ADGRA3: variants seen among roughly 807,000 people sequenced by gnomAD.
ADGRA3 encodes the protein G-protein coupled receptor 125.
In ADGRA3, 56 loss-of-function variants were observed where a neutral mutation model predicts 119.8. The observed-to-expected ratio is 0.47, with a 90% CI of 0.38 to 0.58. The LOEUF is 0.58. Among genes scored for constraint, ADGRA3 ranks in the 20% least tolerant of loss-of-function variants. The pLI is 0.00. For synonymous variants in ADGRA3, 607 were observed against 623.8 expected, an observed-to-expected ratio of 0.97 and a Z score of 0.40; for missense variants, 1,516 against 1,649.0, an observed-to-expected ratio of 0.92 and a Z score of 1.40.
At chr4:22,464,542 C>A (rs1020173207) in intron 2 of ADGRA3, among the ~76,000 whole-genome samples, 1 of 152,314 alleles carries the variant, frequency 6.6e-6, no homozygotes, top group East Asian at 1.9e-4. Context: ...AAGTTCCCTG[C>A]TGTGAATGCC....
chr4:22,392,698 G>A lies in ADGRA3; in HGVS notation c.2482-8C>T, dbSNP rs368097005. On this transcript the variant is annotated splice_region_variant and splice_polypyrimidine_tract_variant and intron_variant, in intron 16 of 18. Coordinates refer to ENST00000334304, the MANE Select transcript of ADGRA3 (RefSeq NM_145290.4). Reference sequence around the variant, plus strand: ...GTGAAGAATTATCCCAACCTACAAGGAAGATCAAAGAATAAATAAAAGAAA... The same window carrying A: ...GTGAAGAATTATCCCAACCTACAAGAAAGATCAAAGAATAAATAAAAGAAA... 2 of 1,596,262 alleles carry A rather than the reference G, an allele frequency of 1.3e-6. No homozygotes were observed. Among genetic ancestry groups the A allele is most frequent in the Admixed American group, 1.8e-5 (1 of 55,790 alleles).
At chr4:22,470,909 C>T (rs1000587720) in intron 2 of ADGRA3, among the ~76,000 whole-genome samples, 2 of 152,150 alleles carry the variant, frequency 1.3e-5, no homozygotes, top group African/African-American at 2.4e-5. Context: ...CACCTCAGGG[C>T]GGCCCCACCT....
chr4:22,486,644 C>T (rs1718440861), intron 1 of ADGRA3, among the ~76,000 whole-genome samples: 1 of 152,154 alleles, frequency 6.6e-6, no homozygotes, highest in Non-Finnish European at 1.5e-5. Flanking sequence ...TGGTTCAGTG[C>T]CCTGGCTGGC....
chr4:22,507,205 A>T (rs12504167), intron 1 of ADGRA3, among the ~76,000 whole-genome samples: 66,396 of 151,880 alleles, frequency 0.44, 15,876 homozygotes, highest in East Asian at 0.6. Context: ...GCGCCACTGC[A>T]CTCCAGCCTG....
In ADGRA3 at chr4:22,388,855, A is replaced by G; in HGVS notation, c.2816T>C (p.Phe939Ser). Residue 939 changes from phenylalanine (F) to serine (S), a missense_variant, in exon 19 of 19, where the codon TTT (phenylalanine) becomes TCT (serine). Phe to Ser is a radical substitution (Grantham distance 155, BLOSUM62 -2). Coordinates refer to ENST00000334304, the MANE Select transcript of ADGRA3 (RefSeq NM_145290.4). ...CTCAGGGTGTCTTTTCAACTGAATA[A>G]ATATGCTCAGAAAGTACATGCAGTT... Reference protein sequence around the residue: ...FVNCMYFLSIFIQLKRHPERK... With the variant: ...FVNCMYFLSISIQLKRHPERK... 6.2e-7 allele frequency: 1 copy of G among 1,614,066 alleles called. No individual in the cohort carries two copies. The highest frequency in any genetic ancestry group is 8.5e-7 in the Non-Finnish European group (1 of 1,179,988).
At position 22,498,726 on chromosome 4, in the gene ADGRA3, C is replaced by T. The variant is rs1718938832; in HGVS notation, c.257+16802G>A. On this transcript the variant is annotated intron_variant, in intron 1 of 18. Transcript: ENST00000334304. The stretch of plus-strand genomic sequence containing the variant: ...GTCAGGAGTTTGAGACCAGCCTGAC[C>T]AACATGGTGAAACCCCGTCTCTACT... 4.0e-5 allele frequency among the ~76,000 whole-genome samples: 6 copies of T among 151,868 alleles called. No individual in the cohort carries two copies. In the South Asian group the frequency reaches 1.2e-3, roughly 32 times the overall value.
Position 22,387,954 on chromosome 4 carries a change from G to C in ADGRA3, c.3717C>G (p.Ser1239Arg), listed in dbSNP as rs1210865737. The C allele has an allele frequency of 6.2e-7, 1 of 1,614,168 alleles. No homozygotes were observed. The change falls in exon 19 of 19, where the codon AGC becomes AGG. Residue 1239 changes from serine to arginine, a missense_variant. Transcript: ENST00000334304. ...TGGGAAGTGTGCTACAAGCATCGCTGCTGTCTTGCTGGGGTGGGTTGTACT... is the reference window on the plus strand; with the variant it reads ...TGGGAAGTGTGCTACAAGCATCGCTCCTGTCTTGCTGGGGTGGGTTGTACT... Reference protein sequence around the residue: ...ERQYNPPQQDSSDACSTLPKS... With the variant: ...ERQYNPPQQDRSDACSTLPKS...
At chr4:22,397,884 C>T (rs151197189) in intron 16 of ADGRA3, 2,277 of 167,028 alleles carry the variant, frequency 0.014, 53 homozygotes, top group African/African-American at 0.052. Flanking sequence ...TACCCAGTCT[C>T]GGGTATGTCT....
At chr4:22,447,340 T>G (rs191228586) in intron 5 of ADGRA3, 100 bp downstream of exon 5, 4 of 725,230 alleles carry the variant, frequency 5.5e-6, no homozygotes, top group Non-Finnish European at 9.3e-6. Context: ...CTTGACAAGA[T>G]TGTCCTCACA....
intron 15 of ADGRA3, 31 bp downstream of exon 15, chr4:22,402,644 C>T (rs1560298297): frequency 6.3e-7 from 1 of 1,599,302 alleles, no homozygotes; most frequent in Admixed American, 1.8e-5. Context: ...TCAAAGTCCG[C>T]AGATCTATTT....
intron 2 of ADGRA3, among the ~76,000 whole-genome samples, chr4:22,462,300 G>GTTT (rs1194647819): frequency 4.6e-5 from 7 of 151,862 alleles, no homozygotes; most frequent in African/African-American, 1.7e-4. Context: ...GGTTTTTGGG[G>GTTT]TTTTTTGTTG....
intron 14 of ADGRA3, among the ~76,000 whole-genome samples, chr4:22,410,783 G>A (rs1715158275): frequency 6.6e-6 from 1 of 152,050 alleles, no homozygotes; most frequent in Non-Finnish European, 1.5e-5. Context: ...CTCCCATGCA[G>A]TAACTTTAAT....
At chr4:22,464,828 C>T (rs867814386) in intron 2 of ADGRA3, among the ~76,000 whole-genome samples, 7 of 152,204 alleles carry the variant, frequency 4.6e-5, no homozygotes, top group African/African-American at 1.4e-4. Flanking sequence ...AGCTGCCTGC[C>T]GCAGGAGCTG....
intron 14 of ADGRA3, among the ~76,000 whole-genome samples, chr4:22,410,982 T>A (rs1715176167): frequency 6.6e-6 from 1 of 152,226 alleles, no homozygotes; most frequent in South Asian, 2.1e-4. Flanking sequence ...AATAGCTTAT[T>A]CCTTCCAGAA....
chr4:22,427,872 T>C (rs1841824), intron 10 of ADGRA3, among the ~76,000 whole-genome samples: 100,499 of 152,082 alleles, frequency 0.66, 34,149 homozygotes, highest in Non-Finnish European at 0.74. Flanking sequence ...CCTCCACCTG[T>C]TCTTGCACCT....
At chr4:22,390,753 G>A (rs754897639) in intron 17 of ADGRA3, among the ~76,000 whole-genome samples, 2 of 152,066 alleles carry the variant, frequency 1.3e-5, no homozygotes, top group Admixed American at 6.6e-5. Flanking sequence ...CTAATGCAAA[G>A]AGGATACTTG....
intron 4 of ADGRA3, among the ~76,000 whole-genome samples, chr4:22,454,443 G>C (rs1005483007): frequency 6.6e-6 from 1 of 152,142 alleles, no homozygotes; most frequent in African/African-American, 2.4e-5. Context: ...AAATGGCCTT[G>C]TTCTCATTCC....
rs1393681840 is a variant in ADGRA3 at position 22,413,985 on chromosome 4, C to T, written c.1810-171G>A. The stretch of plus-strand genomic sequence containing the variant: ...TCATCAGTCAAGCGAAATGTCAACA[C>T]CACATAACATAGATTAAAAGAAGTA... On this transcript the variant is annotated intron_variant, in intron 12 of 18. Coordinates refer to ENST00000334304, the MANE Select transcript of ADGRA3 (RefSeq NM_145290.4). The T allele has an allele frequency of 1.5e-5, 8 of 526,762 alleles. No homozygotes were observed. In the South Asian group the frequency reaches 2.2e-4, roughly 15 times the overall value. The allele number at this position is 526,762 out of a possible 1,614,324, so 32.6% of individuals were successfully genotyped here. A position where few individuals can be genotyped will look rare whatever the true frequency, so the allele number is the denominator to read the frequency against.
intron 10 of ADGRA3, among the ~76,000 whole-genome samples, chr4:22,428,181 A>G (rs1301079309): frequency 6.6e-6 from 1 of 152,168 alleles, no homozygotes; most frequent in Non-Finnish European, 1.5e-5. Flanking sequence ...TGAAGACATA[A>G]TATCTATGTG....
Sources: gnomAD v4.1 joint callset for allele counts (sites outside exome capture counted in the v4.1 genomes callset) on GRCh38, gnomAD v4.1.1 for gene constraint, MANE v1.5 for transcripts, NCBI Gene and HGNC (gene_info 2026-07-23, HGNC 2026-07-21) for gene names.